Variants in ZFHX3 observed in about 807,000 individuals in gnomAD.
ZFHX3 encodes the protein zinc finger homeobox protein 3.
Under a neutral mutation model 279.1 loss-of-function variants are expected in ZFHX3, and 42 were observed. The ratio of observed to expected loss-of-function variants is 0.15; its 90% CI spans 0.12 to 0.19. The LOEUF (loss-of-function observed/expected upper bound fraction) is 0.19, where lower values mean the gene tolerates loss of function less well. Ranked by LOEUF, ZFHX3 falls within the 10% of genes least tolerant of loss-of-function variation. The pLI, the probability that ZFHX3 is intolerant of heterozygous loss-of-function variation, is 1.00. For synonymous variants in ZFHX3, 2,293 were observed against 1,957.8 expected, an observed-to-expected ratio of 1.17 and a Z score of -4.52; for missense variants, 4,981 against 4,754.0, an observed-to-expected ratio of 1.05 and a Z score of -1.40.
At chr16:73,100,780 A>G (rs542126374) in intron 7 of ZFHX3, among the ~76,000 whole-genome samples, 1 of 152,126 alleles carries the variant, frequency 6.6e-6, no homozygotes, top group South Asian at 2.1e-4. Flanking sequence ...GTATTTTTGT[A>G]GAGATGGGGT....
intron 5 of ZFHX3, among the ~76,000 whole-genome samples, chr16:73,205,467 T>A (rs146419849): frequency 6.6e-6 from 1 of 152,136 alleles, no homozygotes; most frequent in Non-Finnish European, 1.5e-5. Flanking sequence ...ATCTGCAAGA[T>A]TGATTAAAAA....
At chr16:73,161,553 C>A (rs1167469245) in intron 5 of ZFHX3, among the ~76,000 whole-genome samples, 3 of 152,184 alleles carry the variant, frequency 2.0e-5, no homozygotes, top group Non-Finnish European at 4.4e-5. Flanking sequence ...ACATTTGGCA[C>A]TGCACTGGTT....
intron 1 of ZFHX3, among the ~76,000 whole-genome samples, chr16:73,020,702 T>C (rs1349801980): frequency 6.6e-6 from 1 of 152,212 alleles, no homozygotes. Context: ...GCCCCTGGTC[T>C]TCCTGAAATT....
chr16:73,070,710 GTC>G (rs3081669), intron 8 of ZFHX3, among the ~76,000 whole-genome samples: 7,681 of 147,488 alleles, frequency 0.052, 203 homozygotes, highest in African/African-American at 0.084. Flanking sequence ...TGACATCATT[GTC>G]TCTCTCTCTC....
intron 2 of ZFHX3, among the ~76,000 whole-genome samples, chr16:73,602,563 T>A (rs558907451): frequency 6.6e-6 from 1 of 152,306 alleles, no homozygotes; most frequent in African/African-American, 2.4e-5. Context: ...TATTTAAATC[T>A]TCCATGTAAA....
chr16:73,853,542 A>T lies in ZFHX3; in HGVS notation c.-1608+38109T>A, dbSNP rs373283696. Among the ~76,000 whole-genome samples, 199 of 152,330 alleles carry T rather than the reference A, an allele frequency of 1.3e-3. 1 individual carries two copies. The highest frequency in any genetic ancestry group is 4.6e-3 in the African/African-American group (191 of 41,578). ...TGTCCTTTGCAGCAACATGGATGGA[A>T]CTAGAGGTCATCATCCTAAGCAAAC... On this transcript the variant is annotated intron_variant, in intron 1 of 17. Transcript: ENST00000641206.
At chr16:73,053,084 A>G (rs1296459978), upstream of ZFHX3, among the ~76,000 whole-genome samples, 2 of 152,112 alleles carry the variant, frequency 1.3e-5, no homozygotes, top group East Asian at 3.9e-4. Flanking sequence ...AGAACAAAAC[A>G]ATAATTTTTT....
chr16:73,106,051 C>T (rs1360834427), intron 7 of ZFHX3, among the ~76,000 whole-genome samples: 2 of 151,588 alleles, frequency 1.3e-5, no homozygotes, highest in South Asian at 2.1e-4. Flanking sequence ...TTCAATGTTT[C>T]TCGGAAGCCC....
chr16:72,934,455 G>A (rs1313853003), intron 3 of ZFHX3, among the ~76,000 whole-genome samples: 1 of 152,152 alleles, frequency 6.6e-6, no homozygotes, highest in South Asian at 2.1e-4. Flanking sequence ...GTATCCACAA[G>A]TATGTGAGAA....
intron 2 of ZFHX3, among the ~76,000 whole-genome samples, chr16:73,580,565 A>G (rs887651570): frequency 6.6e-5 from 10 of 151,622 alleles, no homozygotes; most frequent in African/African-American, 2.4e-4. Context: ...AGTTACTTAG[A>G]AATACCACTC....
chr16:73,376,509 A>T (rs1259995777), intron 3 of ZFHX3, among the ~76,000 whole-genome samples: 1 of 152,194 alleles, frequency 6.6e-6, no homozygotes, highest in Non-Finnish European at 1.5e-5. Context: ...ATCCCCTGAA[A>T]TCATTTATTA....
intron 7 of ZFHX3, among the ~76,000 whole-genome samples, chr16:73,104,323 T>A (rs8061627): frequency 6.6e-6 from 1 of 151,880 alleles, no homozygotes; most frequent in African/African-American, 2.4e-5. Flanking sequence ...CTCCACCTCC[T>A]GGGCTCAAGT....
intron 5 of ZFHX3, among the ~76,000 whole-genome samples, chr16:73,152,460 A>C (rs1966966386): frequency 1.3e-5 from 2 of 152,238 alleles, no homozygotes; most frequent in South Asian, 4.1e-4. Flanking sequence ...AAATGAAATT[A>C]TTAAGGACAG....
At chr16:73,093,403 A>C (rs1966114335) in exon 8 of ZFHX3, 1 of 453,658 alleles carries the variant, frequency 2.2e-6, no homozygotes, top group African/African-American at 2.0e-5. Flanking sequence ...ATGCAGAACC[A>C]CAGCTGATCA....
At chr16:73,186,394 C>T (rs1484852655) in intron 5 of ZFHX3, among the ~76,000 whole-genome samples, 1 of 152,072 alleles carries the variant, frequency 6.6e-6, no homozygotes, top group African/African-American at 2.4e-5. Context: ...ACCTAGCTCA[C>T]TCTCTGTAAC....
At chr16:73,249,996 T>A in intron 5 of ZFHX3, among the ~76,000 whole-genome samples, 1 of 152,340 alleles carries the variant, frequency 6.6e-6, no homozygotes, top group Non-Finnish European at 1.5e-5. Flanking sequence ...AGCAACTTCC[T>A]ACACTGTTGG....
intron 2 of ZFHX3, among the ~76,000 whole-genome samples, chr16:73,541,027 C>T (rs572702789): frequency 2.0e-5 from 3 of 152,332 alleles, no homozygotes; most frequent in Admixed American, 1.3e-4. Flanking sequence ...GCAGCCCTGG[C>T]CCTGCCTACC....
chr16:73,328,755 G>C (rs1336290949), intron 3 of ZFHX3, among the ~76,000 whole-genome samples: 1 of 152,198 alleles, frequency 6.6e-6, no homozygotes, highest in South Asian at 2.1e-4. Context: ...TAAAACCAGG[G>C]TGATTGCTGC....
rs188704636 is a variant in ZFHX3, at chr16:72,815,821, G to A, written c.3530-3783C>T. ...GTGTCTGGAACCTTTGGTTTACATC[G>A]GCAACAAAAAAACAAACAACTTGAA... On this transcript the variant is annotated intron_variant, in intron 5 of 9. Coordinates refer to ENST00000268489, the MANE Select transcript of ZFHX3 (RefSeq NM_006885.4). Among the ~76,000 whole-genome samples, 9 of 152,150 alleles carry A rather than the reference G, an allele frequency of 5.9e-5. No homozygotes were observed. In the East Asian group the frequency reaches 1.4e-3, roughly 23 times the overall value.
Sources: allele counts gnomAD v4.1 joint callset (sites outside exome capture counted in the v4.1 genomes callset), GRCh38; gene constraint gnomAD v4.1.1; transcripts MANE v1.5; gene names NCBI Gene and HGNC (gene_info 2026-07-23, HGNC 2026-07-21).